STARD13: variants seen among roughly 807,000 people sequenced by gnomAD.
STARD13 encodes stAR-related lipid transfer protein 13.
Under a neutral mutation model 106.4 loss-of-function variants are expected in STARD13, and 62 were observed. The observed-to-expected ratio is 0.58, with a 90% confidence interval of 0.48 to 0.72. The LOEUF (loss-of-function observed/expected upper bound fraction) is 0.72, where lower values mean the gene tolerates loss of function less well. STARD13 is among the 30% of genes least tolerant of loss of function. The probability of loss-of-function intolerance (pLI) is 0.00; values close to 1 mark genes in which losing one functional copy is unlikely to be tolerated. For synonymous variants in STARD13, 565 were observed against 553.0 expected (o/e 1.02, Z -0.31); for missense variants, 1,387 against 1,424.0 (o/e 0.97, Z 0.42).
At chr13:33,244,303 A>G (rs575612709) in intron 1 of STARD13, among the ~76,000 whole-genome samples, 1 of 152,142 alleles carries the variant, frequency 6.6e-6, no homozygotes, top group Non-Finnish European at 1.5e-5. Flanking sequence ...ATTTTTCCAA[A>G]GTCACATTAC....
chr13:33,109,130 T>C (rs1021354807), intron 12 of STARD13, among the ~76,000 whole-genome samples: 1 of 152,186 alleles, frequency 6.6e-6, no homozygotes, highest in African/African-American at 2.4e-5. Context: ...ATCTGTGACA[T>C]GAGACAAGGC....
intron 1 of STARD13, among the ~76,000 whole-genome samples, chr13:33,185,635 A>T (rs939954273): frequency 1.3e-5 from 2 of 152,132 alleles, no homozygotes; most frequent in African/African-American, 4.8e-5. Flanking sequence ...TCGACCCTCC[A>T]ACTCCCATCC....
chr13:33,577,296 T>C, the STARD13 span, among the ~76,000 whole-genome samples: 142 of 152,298 alleles, frequency 9.3e-4, no homozygotes, highest in African/African-American at 3.0e-3. Context: ...AAGTTCACTT[T>C]AAGACAGGCT....
chr13:33,318,800 A>G (rs1893440167), intron 1 of STARD13, among the ~76,000 whole-genome samples: 1 of 152,212 alleles, frequency 6.6e-6, no homozygotes, highest in Non-Finnish European at 1.5e-5. Flanking sequence ...ATGCACATGA[A>G]AAGATGCTCA....
intron 3 of STARD13, among the ~76,000 whole-genome samples, chr13:33,162,858 C>T (rs775102320): frequency 2.0e-5 from 3 of 152,108 alleles, no homozygotes; most frequent in Non-Finnish European, 4.4e-5. Flanking sequence ...CAACTTCTGC[C>T]TGATACCCAG....
the STARD13 span, among the ~76,000 whole-genome samples, chr13:33,488,400 T>C: frequency 6.6e-6 from 1 of 152,360 alleles, no homozygotes; most frequent in East Asian, 1.9e-4. Context: ...AGTATTATCT[T>C]TGATTTGTAT....
chr13:33,522,600 T>C, the STARD13 span, among the ~76,000 whole-genome samples: 1 of 152,312 alleles, frequency 6.6e-6, no homozygotes, highest in East Asian at 1.9e-4. Context: ...CTTAATTTTG[T>C]CTTTTTCATG....
chr13:33,359,251 A>G, the STARD13 span, among the ~76,000 whole-genome samples: 6 of 151,936 alleles, frequency 3.9e-5, no homozygotes, highest in African/African-American at 1.5e-4. Flanking sequence ...CTGCAGCTTC[A>G]CTCCTGAGCC....
At chr13:33,357,494 C>T in the STARD13 span, among the ~76,000 whole-genome samples, 94 of 152,276 alleles carry the variant, frequency 6.2e-4, 1 homozygote, top group African/African-American at 2.1e-3. Flanking sequence ...TTTAGCACTA[C>T]CCAGGATAAT....
chr13:33,167,664 G>A (rs1185657078), intron 1 of STARD13, 42 bp from the exon 2 acceptor site: 3 of 1,560,554 alleles, frequency 1.9e-6, no homozygotes, highest in South Asian at 1.1e-5. Flanking sequence ...TCCCACAGCC[G>A]CACCCTAGTA....
chr13:33,121,800 C>G (rs572232259), intron 7 of STARD13, among the ~76,000 whole-genome samples: 7 of 151,584 alleles, frequency 4.6e-5, no homozygotes, highest in Non-Finnish European at 8.8e-5. Context: ...CTGCCACAGC[C>G]TCCCAAGTAG....
chr13:33,369,211 C>T, the STARD13 span, among the ~76,000 whole-genome samples: 4 of 151,822 alleles, frequency 2.6e-5, no homozygotes, highest in African/African-American at 4.8e-5. Context: ...CAGAAGTAGC[C>T]TCCTCCCACC....
At chr13:33,491,716 T>C in the STARD13 span, among the ~76,000 whole-genome samples, 1 of 152,240 alleles carries the variant, frequency 6.6e-6, no homozygotes, top group African/African-American at 2.4e-5. Context: ...TCCAGCCTAA[T>C]CTGTTTCTCC....
At chr13:33,324,240 G>A (rs1893660588) in intron 1 of STARD13, among the ~76,000 whole-genome samples, 1 of 152,154 alleles carries the variant, frequency 6.6e-6, no homozygotes, top group South Asian at 2.1e-4. Context: ...TGTGTTACTT[G>A]AGAATATTCG....
At chr13:33,598,394 C>A in the STARD13 span, among the ~76,000 whole-genome samples, 1 of 152,160 alleles carries the variant, frequency 6.6e-6, no homozygotes, top group South Asian at 2.1e-4. Context: ...GGCTGTAACT[C>A]AAATGAATGA....
intron 1 of STARD13, among the ~76,000 whole-genome samples, chr13:33,269,807 G>A (rs1021307080): frequency 2.0e-5 from 3 of 152,200 alleles, no homozygotes; most frequent in Non-Finnish European, 2.9e-5. Context: ...AAAGAAAAAT[G>A]AGAGGGAAAA....
the STARD13 span, among the ~76,000 whole-genome samples, chr13:33,645,420 G>A: frequency 0.067 from 10,263 of 152,200 alleles, 804 homozygotes; most frequent in Admixed American, 0.19. Context: ...AGCTCAGCCC[G>A]AATCACTTGC....
At chr13:33,305,419 G>A (rs1246162313) in intron 1 of STARD13, among the ~76,000 whole-genome samples, 1 of 152,172 alleles carries the variant, frequency 6.6e-6, no homozygotes, top group Non-Finnish European at 1.5e-5. Context: ...ACGGTAACTA[G>A]CAGGACACTT....
chr13:33,652,364 C>T, the STARD13 span, among the ~76,000 whole-genome samples: 15 of 152,124 alleles, frequency 9.9e-5, no homozygotes, highest in South Asian at 2.1e-4. Flanking sequence ...TTGGTGAAGA[C>T]GAATTTAAGC....
Sources: gnomAD v4.1 joint callset for allele counts (sites outside exome capture counted in the v4.1 genomes callset) on GRCh38, gnomAD v4.1.1 for gene constraint, MANE v1.5 for transcripts, NCBI Gene and HGNC (gene_info 2026-07-23, HGNC 2026-07-21) for gene names.